PLXDC2: variants seen among roughly 807,000 people sequenced by gnomAD.
PLXDC2 encodes the protein plexin domain-containing protein 2.
In PLXDC2, 40 loss-of-function variants were observed where a neutral mutation model predicts 68.9. The ratio of observed to expected loss-of-function variants is 0.58; its 90% confidence interval spans 0.45 to 0.76. PLXDC2 has a LOEUF of 0.76. Ranked by LOEUF, PLXDC2 falls within the 30% of genes least tolerant of loss-of-function variation. PLXDC2 has a pLI of 0.00. For synonymous variants in PLXDC2, 243 were observed against 234.2 expected (o/e 1.04, Z -0.34); for missense variants, 644 against 661.9 (o/e 0.97, Z 0.30).
At chr10:19,978,301 A>G (rs1307132844) in intron 1 of PLXDC2, among the ~76,000 whole-genome samples, 1 of 152,132 alleles carries the variant, frequency 6.6e-6, no homozygotes, top group Non-Finnish European at 1.5e-5. Context: ...CAAATTGTAC[A>G]TGTCAATTTC....
At chr10:19,975,437 GAC>G in intron 1 of PLXDC2, among the ~76,000 whole-genome samples, 1 of 152,154 alleles carries the variant, frequency 6.6e-6, no homozygotes, top group South Asian at 2.1e-4. Context: ...CAGCCTGGGA[GAC>G]AGAGCGAGAC....
chr10:20,204,312 A>G (rs1170386090), intron 9 of PLXDC2, among the ~76,000 whole-genome samples: 1 of 152,160 alleles, frequency 6.6e-6, no homozygotes, highest in Non-Finnish European at 1.5e-5. Context: ...TTATTTTCCC[A>G]TATCTTACAG....
intron 12 of PLXDC2, among the ~76,000 whole-genome samples, 156 bp downstream of exon 12, chr10:20,219,258 G>C (rs1381461770): frequency 6.6e-6 from 1 of 152,142 alleles, no homozygotes; most frequent in African/African-American, 2.4e-5. Flanking sequence ...CAGTGGGTTG[G>C]CTTGAAAGTG....
At chr10:20,204,061 A>G (rs1296951088) in intron 9 of PLXDC2, among the ~76,000 whole-genome samples, 1 of 152,012 alleles carries the variant, frequency 6.6e-6, no homozygotes, top group Non-Finnish European at 1.5e-5. Flanking sequence ...TATATAATAA[A>G]TGGTTCAGGT....
intron 2 of PLXDC2, among the ~76,000 whole-genome samples, chr10:20,010,791 A>G (rs968554349): frequency 6.6e-6 from 1 of 152,182 alleles, no homozygotes; most frequent in Non-Finnish European, 1.5e-5. Context: ...CCATTCCCCA[A>G]GGGATCCTAA....
intron 13 of PLXDC2, among the ~76,000 whole-genome samples, chr10:20,267,879 A>G (rs1359713941): frequency 6.6e-6 from 1 of 150,966 alleles, no homozygotes; most frequent in East Asian, 1.9e-4. Context: ...AAACAGGATT[A>G]CTTCCAGAGC....
intron 1 of PLXDC2, among the ~76,000 whole-genome samples, chr10:19,907,765 C>T (rs986892200): frequency 2.0e-5 from 3 of 152,172 alleles, no homozygotes; most frequent in East Asian, 1.9e-4. Flanking sequence ...TCTATTTCCT[C>T]GGTTATTTTA....
At chr10:19,829,616 C>A (rs1589488278) in intron 1 of PLXDC2, among the ~76,000 whole-genome samples, 1 of 152,034 alleles carries the variant, frequency 6.6e-6, no homozygotes, top group South Asian at 2.1e-4. Flanking sequence ...GTAGTCCCAG[C>A]TACTCGGAGG....
intron 13 of PLXDC2, among the ~76,000 whole-genome samples, chr10:20,272,633 G>A (rs1274105532): frequency 6.6e-6 from 1 of 152,084 alleles, no homozygotes; most frequent in African/African-American, 2.4e-5. Context: ...GGTAAAAAGG[G>A]GTTGCATCAT....
intron 9 of PLXDC2, among the ~76,000 whole-genome samples, chr10:20,193,244 C>A (rs1589674256): frequency 1.3e-5 from 2 of 152,056 alleles, no homozygotes; most frequent in Non-Finnish European, 2.9e-5. Context: ...TTCACCGTAT[C>A]TGGCCTACTA....
intron 1 of PLXDC2, among the ~76,000 whole-genome samples, chr10:19,838,897 G>A (rs539691858): frequency 1.3e-5 from 2 of 152,226 alleles, no homozygotes; most frequent in East Asian, 1.9e-4. Flanking sequence ...TAAGATTACT[G>A]CTCTGGGGCC....
chr10:20,236,585 C>A (rs1227967727), intron 12 of PLXDC2, among the ~76,000 whole-genome samples: 1 of 152,072 alleles, frequency 6.6e-6, no homozygotes, highest in Non-Finnish European at 1.5e-5. Context: ...TATGCGTAGG[C>A]AGATTGTTAC....
chr10:20,008,118 T>C (rs1013205705), intron 2 of PLXDC2, among the ~76,000 whole-genome samples: 8 of 152,254 alleles, frequency 5.3e-5, no homozygotes, highest in African/African-American at 1.9e-4. Context: ...TTTTACAAAT[T>C]GTGCAATATG....
At chr10:19,998,658 A>G (rs1030108874) in intron 1 of PLXDC2, among the ~76,000 whole-genome samples, 1 of 152,204 alleles carries the variant, frequency 6.6e-6, no homozygotes, top group Non-Finnish European at 1.5e-5. Flanking sequence ...TGCAAACACA[A>G]TTAGAGCAAG....
chr10:20,109,808 G>A (rs1482476706), intron 4 of PLXDC2, among the ~76,000 whole-genome samples: 1 of 152,044 alleles, frequency 6.6e-6, no homozygotes, highest in Non-Finnish European at 1.5e-5. Flanking sequence ...CTTCCAGAGG[G>A]CAAGATCCTC....
intron 3 of PLXDC2, among the ~76,000 whole-genome samples, chr10:20,062,085 G>A (rs565115329): frequency 2.6e-5 from 4 of 152,230 alleles, no homozygotes; most frequent in East Asian, 3.9e-4. Context: ...ATAATCTTTC[G>A]AAGAAGTGTC....
rs897215706 is a variant in PLXDC2 at position 19,920,740 on chromosome 10, T to C, written c.113-81035T>C. Among the ~76,000 whole-genome samples the C allele has an allele frequency of 5.9e-5, 9 of 152,268 alleles. No homozygotes were observed. In the South Asian group the frequency reaches 1.2e-3, roughly 21 times the overall value. On this transcript the variant is annotated intron_variant, in intron 1 of 13. Coordinates refer to ENST00000377252, the MANE Select transcript of PLXDC2 (RefSeq NM_032812.9). ...ACCTAGATAATTTTTGTATTTTTTG[T>C]AGAGACAGGGTTTCGCCTTGTTGCC...
intron 1 of PLXDC2, among the ~76,000 whole-genome samples, chr10:19,873,233 A>G (rs1211837887): frequency 1.3e-5 from 2 of 152,034 alleles, no homozygotes; most frequent in Non-Finnish European, 2.9e-5. Context: ...AAACAAAACA[A>G]AACTCTTCTA....
intron 4 of PLXDC2, among the ~76,000 whole-genome samples, chr10:20,124,185 A>C (rs1272894707): frequency 1.3e-5 from 2 of 152,156 alleles, no homozygotes; most frequent in Non-Finnish European, 2.9e-5. Flanking sequence ...GCAATGATTC[A>C]ACACCAGGGG....
Sources: gnomAD v4.1 joint callset for allele counts (sites outside exome capture counted in the v4.1 genomes callset) on GRCh38, gnomAD v4.1.1 for gene constraint, MANE v1.5 for transcripts, NCBI Gene and HGNC (gene_info 2026-07-23, HGNC 2026-07-21) for gene names.